The following AP2A2 variants were observed in gnomAD, a reference collection of about 807,000 sequenced individuals.
The protein encoded by AP2A2 is AP-2 complex subunit alpha-2.
In AP2A2, 32 loss-of-function variants were observed where a neutral mutation model predicts 104.2. The observed-to-expected ratio is 0.31, with a 90% CI of 0.23 to 0.41. AP2A2 has a LOEUF of 0.41. Among genes scored for constraint, AP2A2 ranks in the 10% least tolerant of loss-of-function variants. The probability of loss-of-function intolerance (pLI) is 1.00; values close to 1 mark genes in which losing one functional copy is unlikely to be tolerated. For synonymous variants in AP2A2, 539 were observed against 533.3 expected (o/e 1.01, Z -0.15); for missense variants, 912 against 1,261.0 (o/e 0.72, Z 4.19).
chr11:947,005 CT>C (rs1225216878), intron 1 of AP2A2: 34 of 91,738 alleles, frequency 3.7e-4, no homozygotes, highest in Admixed American at 1.5e-3. Flanking sequence ...GTCTTTTTTT[CT>C]TTTCTTTTTT....
chr11:993,228 C>T lies in AP2A2; in HGVS notation c.1453-56C>T, dbSNP rs1255669700. On this transcript the variant is annotated intron_variant, in intron 11 of 21. Transcript: ENST00000448903. This position sits in a 1 kb window ranked among gnomAD's most constrained non-coding sequence, Gnocchi z 8.2. ...GTGCACCGCGCCAGGACGTGCCCGC[C>T]TCGCCTTAACTCTGGCACCTGGCTG... The T allele has an allele frequency of 6.9e-7, 1 of 1,449,810 alleles. No homozygotes were observed. The highest frequency in any genetic ancestry group is 2.2e-5 in the Admixed American group (1 of 45,276). The allele number at this position is 1,449,810 out of a possible 1,614,324, so 89.8% of individuals were successfully genotyped here. A position where few individuals can be genotyped will look rare whatever the true frequency, so the allele number is the denominator to read the frequency against.
intron 6 of AP2A2, 30 bp from the exon 7 acceptor site, chr11:984,603 TCGTGTCCGGCAG>T (rs1480975492): frequency 4.6e-6 from 7 of 1,509,898 alleles, no homozygotes; most frequent in Non-Finnish European, 6.4e-6. Flanking sequence ...CAGTAGGGGC[TCGTGTCCGGCAG>T]CGTGTCTCAT....
At position 954,400 on chromosome 11, in the gene AP2A2, G is replaced by C. The variant is rs574688701; in HGVS notation, c.68-5037G>C. On this transcript the variant is annotated intron_variant, in intron 1 of 21. Transcript: ENST00000448903. ...TGTATTTATGCATGTGTGTGTACATGTGTGTATTTGTGTGTGTGTATGTAT... is the reference window on the plus strand; with the variant it reads ...TGTATTTATGCATGTGTGTGTACATCTGTGTATTTGTGTGTGTGTATGTAT... Among the ~76,000 whole-genome samples the C allele has an allele frequency of 3.9e-5, 6 of 152,234 alleles. No individual in the cohort carries two copies. In the South Asian group the frequency reaches 1.2e-3, roughly 32 times the overall value.
chr11:983,428 G>A (rs939896833), intron 6 of AP2A2, among the ~76,000 whole-genome samples: 33 of 151,680 alleles, frequency 2.2e-4, no homozygotes, highest in African/African-American at 7.8e-4. Context: ...TGTCGCCCAG[G>A]CTGGAGTGCA....
intron 2 of AP2A2, among the ~76,000 whole-genome samples, chr11:966,283 A>T (rs1854614522): frequency 6.6e-6 from 1 of 152,158 alleles, no homozygotes; most frequent in Admixed American, 6.5e-5. Context: ...ACTTAAGCTC[A>T]GGAGTTCAAG....
At chr11:975,795 C>T (rs1589983958) in intron 4 of AP2A2, among the ~76,000 whole-genome samples, 1 of 151,812 alleles carries the variant, frequency 6.6e-6, no homozygotes, top group East Asian at 1.9e-4. Context: ...CTCTGTCTCC[C>T]TTGTGTGAGC....
intron 6 of AP2A2, among the ~76,000 whole-genome samples, chr11:983,574 G>C (rs578231854): frequency 6.6e-6 from 1 of 151,848 alleles, no homozygotes; most frequent in Non-Finnish European, 1.5e-5. Context: ...TAGTAGAGAT[G>C]GGGTTTCACT....
At chr11:933,555 A>G in intron 1 of AP2A2, 1 of 456,280 alleles carries the variant, frequency 2.2e-6, no homozygotes, top group Middle Eastern at 3.3e-4. Context: ...TGCTTGGGAC[A>G]GGGTTGTAAG....
chr11:944,164 C>T, intron 1 of AP2A2, among the ~76,000 whole-genome samples: 1 of 152,170 alleles, frequency 6.6e-6, no homozygotes, highest in Non-Finnish European at 1.5e-5. Context: ...GTGATGGGGG[C>T]CCCGAAGGAG....
chr11:951,471 G>A (rs2134526465), intron 1 of AP2A2, among the ~76,000 whole-genome samples: 1 of 152,114 alleles, frequency 6.6e-6, no homozygotes, highest in Admixed American at 6.5e-5. Context: ...AGGTTGCAGT[G>A]AGCCGAGATC....
intron 1 of AP2A2, among the ~76,000 whole-genome samples, chr11:933,880 A>G (rs1014328685): frequency 3.3e-5 from 5 of 152,082 alleles, no homozygotes; most frequent in African/African-American, 7.2e-5. Flanking sequence ...TCTCGATTTT[A>G]AACGTTTGTT....
At chr11:998,237 TCTC>T (rs1314660390) in intron 14 of AP2A2, among the ~76,000 whole-genome samples, 1 of 152,146 alleles carries the variant, frequency 6.6e-6, no homozygotes, top group African/African-American at 2.4e-5. Flanking sequence ...CGTGTCGTCT[TCTC>T]TTGCAGAGGT....
In AP2A2 at chr11:991,953, G is replaced by A. The variant is rs567357215; in HGVS notation, c.1270-550G>A. On this transcript the variant is annotated intron_variant, in intron 10 of 21. Coordinates refer to ENST00000448903, the MANE Select transcript of AP2A2 (RefSeq NM_012305.4). ...AGAGCTCCATGTGGGTGGCTGCCAC[G>A]TGGGTGTGGGCTGGGCAGGTGCCTC... Among the ~76,000 whole-genome samples, 567 of 152,288 alleles carry A rather than the reference G, an allele frequency of 3.7e-3. 4 individuals are homozygous for A. The highest frequency in any genetic ancestry group is 5.5e-3 in the Non-Finnish European group (375 of 68,012).
intron 1 of AP2A2, among the ~76,000 whole-genome samples, chr11:954,129 C>G (rs141103303): frequency 1.1e-3 from 163 of 152,332 alleles, no homozygotes; most frequent in African/African-American, 3.6e-3. Flanking sequence ...CCTGGCCTCT[C>G]TACCTTCTCT....
Position 1,011,797 on chromosome 11 carries a change from G to A in AP2A2, c.*1172G>A. The A allele has an allele frequency of 3.3e-6, 1 of 305,770 alleles. No individual in the cohort carries two copies. Among genetic ancestry groups the A allele is most frequent in the South Asian group, 2.7e-5 (1 of 36,808 alleles). 18.9% of individuals were successfully genotyped at this position (305,770 alleles called of 1,614,324 possible). ...TCACCCTGGCCCTCAGTTGCCTGCT[G>A]TGCGGGTCCCTGGGGCAGCTGCAGG... On this transcript the variant is annotated 3_prime_UTR_variant, in exon 22 of 22. Coordinates refer to ENST00000448903, the MANE Select transcript of AP2A2 (RefSeq NM_012305.4).
At chr11:926,219 G>A (rs1354584524) in intron 1 of AP2A2, 131 bp downstream of exon 1, 1 of 523,108 alleles carries the variant, frequency 1.9e-6, no homozygotes, top group Non-Finnish European at 2.8e-6. Flanking sequence ...GGGGCCTGAG[G>A]GTGCGGGCGG....
chr11:970,047 G>A (rs573672150), intron 2 of AP2A2, 122 bp from the exon 3 acceptor site: 3 of 1,065,080 alleles, frequency 2.8e-6, no homozygotes, highest in African/African-American at 1.6e-5. Context: ...GCCTGGGCCC[G>A]GCCACCCCTC....
chr11:980,699 C>T (rs1190843872), intron 5 of AP2A2, among the ~76,000 whole-genome samples: 1 of 152,244 alleles, frequency 6.6e-6, no homozygotes, highest in East Asian at 1.9e-4. Flanking sequence ...TGAGTGACTG[C>T]CAGGGCCACT....
At chr11:977,042 G>T (rs1016398569) in intron 4 of AP2A2, 53 bp from the exon 5 acceptor site, 201 of 1,608,428 alleles carry the variant, frequency 1.2e-4, no homozygotes, top group Non-Finnish European at 1.6e-4. Context: ...GCTCCGTGCA[G>T]CTCTGCGCTG....
Sources: gnomAD v4.1 joint callset for allele counts (sites outside exome capture counted in the v4.1 genomes callset) on GRCh38, gnomAD v4.1.1 for gene constraint, Gnocchi (gnomAD v3.1) non-coding constraint, MANE v1.5 for transcripts, NCBI Gene and HGNC (gene_info 2026-07-23, HGNC 2026-07-21) for gene names.